TSHZ2: variants seen among roughly 807,000 people sequenced by gnomAD.
TSHZ2 encodes the protein teashirt zinc finger homeobox 2.
A neutral mutation model predicts 74.4 loss-of-function variants in TSHZ2; 21 were observed. The observed-to-expected ratio is 0.28, with a 90% CI of 0.20 to 0.41. The LOEUF (loss-of-function observed/expected upper bound fraction) is 0.41. TSHZ2 is among the 10% of genes least tolerant of loss of function. The pLI is 1.00. For synonymous variants in TSHZ2, 540 were observed against 515.3 expected (o/e 1.05, Z -0.65); for missense variants, 1,244 against 1,293.5 (o/e 0.96, Z 0.59).
intron 2 of TSHZ2, among the ~76,000 whole-genome samples, chr20:53,327,569 G>T (rs577111187): frequency 6.6e-6 from 1 of 152,200 alleles, no homozygotes; most frequent in African/African-American, 2.4e-5. Context: ...TGTAACAAGG[G>T]TTATCTTCCA....
chr20:53,410,182 G>T (rs2145695436), intron 2 of TSHZ2, among the ~76,000 whole-genome samples: 1 of 152,250 alleles, frequency 6.6e-6, no homozygotes, highest in Middle Eastern at 3.4e-3. Context: ...CTGAGAATCA[G>T]AGGGCGCATC....
intron 1 of TSHZ2, among the ~76,000 whole-genome samples, chr20:52,997,098 T>TTGTCACC (rs760961442): frequency 3.9e-5 from 6 of 152,150 alleles, no homozygotes; most frequent in Non-Finnish European, 8.8e-5. Context: ...GGGCTCATAT[T>TTGTCACC]TGTCACCCAG....
chr20:53,319,958 G>C (rs1397963740), intron 2 of TSHZ2, among the ~76,000 whole-genome samples: 1 of 152,132 alleles, frequency 6.6e-6, no homozygotes, highest in Non-Finnish European at 1.5e-5. Flanking sequence ...GACATTCTGG[G>C]TGTGGTGCAC....
intron 2 of TSHZ2, among the ~76,000 whole-genome samples, chr20:53,466,183 G>T (rs1451060823): frequency 6.6e-6 from 1 of 151,736 alleles, no homozygotes; most frequent in Non-Finnish European, 1.5e-5. Flanking sequence ...GGGAGGCAGA[G>T]GTTGCAGTGA....
intron 1 of TSHZ2, among the ~76,000 whole-genome samples, chr20:53,033,626 G>A (rs59082922): frequency 0.049 from 6,444 of 132,114 alleles, 328 homozygotes; most frequent in South Asian, 0.14. Context: ...TGTTTTAGTC[G>A]CCCTCTGCAT....
chr20:53,484,389 T>A, intron 2 of TSHZ2, among the ~76,000 whole-genome samples: 1 of 126,306 alleles, frequency 7.9e-6, no homozygotes, highest in Admixed American at 7.9e-5. Flanking sequence ...TCTCTTTTTT[T>A]TTTTTTTTTT....
At chr20:53,425,801 GTT>G (rs11476894) in intron 2 of TSHZ2, among the ~76,000 whole-genome samples, 71 of 146,486 alleles carry the variant, frequency 4.8e-4, no homozygotes, top group Non-Finnish European at 7.1e-4. Context: ...ACGTTCTTTT[GTT>G]TTTTTTTTTC....
chr20:53,396,783 G>A (rs1037789751), intron 2 of TSHZ2, among the ~76,000 whole-genome samples: 1 of 151,146 alleles, frequency 6.6e-6, no homozygotes, highest in African/African-American at 2.4e-5. Context: ...GGAAGTTGAA[G>A]GCTACAGTGA....
At chr20:53,069,635 C>A (rs1985105984) in intron 1 of TSHZ2, among the ~76,000 whole-genome samples, 1 of 150,068 alleles carries the variant, frequency 6.7e-6, no homozygotes, top group Admixed American at 6.7e-5. Context: ...TTCCCTAATC[C>A]TGCCTAGCAA....
intron 1 of TSHZ2, among the ~76,000 whole-genome samples, chr20:53,101,362 G>C (rs1372482787): frequency 1.3e-5 from 2 of 152,160 alleles, no homozygotes; most frequent in African/African-American, 4.8e-5. Flanking sequence ...GGGAGTGATA[G>C]TTCCTATCAC....
intron 1 of TSHZ2, among the ~76,000 whole-genome samples, chr20:53,250,207 C>G (rs1313037638): frequency 6.6e-6 from 1 of 152,224 alleles, no homozygotes; most frequent in Non-Finnish European, 1.5e-5. Flanking sequence ...CTATAGAGAA[C>G]AGTTCTTTTG....
At chr20:53,486,644 C>CTT (rs1986296225) in intron 2 of TSHZ2, among the ~76,000 whole-genome samples, 1 of 152,032 alleles carries the variant, frequency 6.6e-6, no homozygotes, top group Non-Finnish European at 1.5e-5. Context: ...GATGCCACTG[C>CTT]ACAAGTATAG....
At chr20:53,083,728 G>A (rs560978899) in intron 1 of TSHZ2, among the ~76,000 whole-genome samples, 2 of 152,068 alleles carry the variant, frequency 1.3e-5, no homozygotes, top group South Asian at 2.1e-4. Flanking sequence ...TTGCTTCACC[G>A]TTATAAAGAC....
chr20:53,068,242 TA>T (rs1985057331), intron 1 of TSHZ2, among the ~76,000 whole-genome samples: 1 of 152,176 alleles, frequency 6.6e-6, no homozygotes, highest in Non-Finnish European at 1.5e-5. Flanking sequence ...GTTTAACCCA[TA>T]ACCCTGGGTT....
intron 1 of TSHZ2, among the ~76,000 whole-genome samples, chr20:53,219,903 A>C (rs1989516314): frequency 6.6e-6 from 1 of 152,210 alleles, no homozygotes; most frequent in Non-Finnish European, 1.5e-5. Flanking sequence ...TTTACCAGTT[A>C]GACACCTCTA....
chr20:53,054,035 C>A (rs1468499579), intron 1 of TSHZ2, among the ~76,000 whole-genome samples: 1 of 152,170 alleles, frequency 6.6e-6, no homozygotes, highest in African/African-American at 2.4e-5. Flanking sequence ...GGGGTTTGGA[C>A]AACATATTTC....
At chr20:53,069,647 A>G (rs1985106347) in intron 1 of TSHZ2, among the ~76,000 whole-genome samples, 1 of 149,128 alleles carries the variant, frequency 6.7e-6, no homozygotes, top group Admixed American at 6.7e-5. Context: ...GCCTAGCAAA[A>G]GGTCAATGCT....
intron 2 of TSHZ2, among the ~76,000 whole-genome samples, chr20:53,385,321 A>G (rs1382465271): frequency 6.6e-6 from 1 of 152,080 alleles, no homozygotes; most frequent in Admixed American, 6.5e-5. Context: ...TCAGTTTCTC[A>G]GAATTGGAAA....
chr20:53,215,428 G>A (rs1037756571), intron 1 of TSHZ2, among the ~76,000 whole-genome samples: 1 of 151,824 alleles, frequency 6.6e-6, no homozygotes, highest in African/African-American at 2.4e-5. Context: ...TGGTATATGG[G>A]AGAGGTTGAG....
Sources: allele counts gnomAD v4.1 joint callset (sites outside exome capture counted in the v4.1 genomes callset), GRCh38; gene constraint gnomAD v4.1.1; transcripts MANE v1.5; gene names NCBI Gene and HGNC (gene_info 2026-07-23, HGNC 2026-07-21).